GPRC6A: variants seen among roughly 807,000 people sequenced by gnomAD.
The protein encoded by GPRC6A is G protein-coupled receptor class C group 6 member A, also known as G protein-coupled receptor family C group 6 member A.
A neutral mutation model predicts 47.0 loss-of-function variants in GPRC6A; 54 were observed. The observed-to-expected ratio is 1.15, with a 90% CI of 0.92 to 1.44. GPRC6A has a LOEUF of 1.44. Ranked by LOEUF, GPRC6A falls within the 40% of genes most tolerant of loss-of-function variation. GPRC6A has a pLI of 0.00. For synonymous variants in GPRC6A, 347 were observed against 377.1 expected (o/e 0.92, Z 0.93); for missense variants, 1,112 against 1,105.5 (o/e 1.01, Z -0.08).
At chr6:116,827,704 T>G (rs967292521) in intron 1 of GPRC6A, among the ~76,000 whole-genome samples, 3 of 152,202 alleles carry the variant, frequency 2.0e-5, no homozygotes, top group African/African-American at 7.2e-5. Context: ...TCATTCTTTG[T>G]GTGCCAACAT....
At position 116,800,795 on chromosome 6, in the gene GPRC6A, A is replaced by G; in HGVS notation, c.1337T>C (p.Leu446Ser). ...TGTCACATTTTTTAGCACACCAAGTAACTATAAAAAATAAAAACAGAGATA... is the reference window on the plus strand; with the variant it reads ...TGTCACATTTTTTAGCACACCAAGTGACTATAAAAAATAAAAACAGAGATA... ...QNPNAFQPWE[L>S]LGVLKNVTFT... The change falls in exon 4 of 6, where the codon TTA becomes TCA. Residue 446 changes from leucine to serine, a missense_variant and splice_region_variant. Coordinates refer to ENST00000310357, the MANE Select transcript of GPRC6A (RefSeq NM_148963.4). 1 of 1,587,724 alleles carries G rather than the reference A, an allele frequency of 6.3e-7. No homozygotes were observed. Among genetic ancestry groups the G allele is most frequent in the Non-Finnish European group, 8.6e-7 (1 of 1,159,186 alleles).
chr6:116,792,163 T>C lies in GPRC6A; in HGVS notation c.2760A>G (p.Arg920=), dbSNP rs761523576. 127 of 1,613,276 alleles carry C rather than the reference T, an allele frequency of 7.9e-5. No individual in the cohort carries two copies. Among genetic ancestry groups the C allele is most frequent in the Non-Finnish European group, 1.0e-4 (121 of 1,179,462 alleles). Reference sequence around the variant, plus strand: ...TTATTCATATACTTGACATTCTTTTTCGAGGCAAAGTTTTAGATACACTTG... The same window carrying C: ...TTATTCATATACTTGACATTCTTTTCCGAGGCAAAGTTTTAGATACACTTG... ...NATSVSKTLP[R]KRMSSI Residue 920 remains arginine (R), a synonymous_variant, in exon 6 of 6, where the codon CGA becomes CGG. Transcript: ENST00000310357.
rs777353690 is a variant in GPRC6A, at chr6:116,806,640, A to C, written c.1065T>G (p.His355Gln). 4 of 1,613,588 alleles carry C rather than the reference A, an allele frequency of 2.5e-6. No homozygotes were observed. In the South Asian group the frequency reaches 4.4e-5, roughly 18 times the overall value. Residue 355 changes from histidine (H) to glutamine (Q), a missense_variant, in exon 3 of 6, where the codon CAT becomes CAG. Physicochemically the swap from His to Gln is conservative, Grantham distance 24 (BLOSUM62 0). Transcript: ENST00000310357. ...LLPSDSHKLL[H>Q]EYAMHLSACA... ...AGGCAGATAAATGCATGGCATATTC[A>C]TGTAAGAGTTTGTGACTGTCACTGG... is the stretch of plus-strand genomic sequence containing the variant.
Position 116,828,831 on chromosome 6 carries a change from C to T in GPRC6A, c.183G>A (p.Gln61=), listed in dbSNP as rs1200447437. ...SEDSPRRPQI[Q]ECVGFEISVF... ...TGAGACTTACTCACCCAACACACTCCTGGATTTGTGGTCGTCTGGGAGAGT... is the reference window on the plus strand; with the variant it reads ...TGAGACTTACTCACCCAACACACTCTTGGATTTGTGGTCGTCTGGGAGAGT... Residue 61 remains glutamine, a synonymous_variant, in exon 1 of 6, where the codon CAG becomes CAA. Coordinates refer to ENST00000310357, the MANE Select transcript of GPRC6A (RefSeq NM_148963.4). 1 of 1,611,982 alleles carries T rather than the reference C, an allele frequency of 6.2e-7. No individual in the cohort carries two copies. Among genetic ancestry groups the T allele is most frequent in the Non-Finnish European group, 8.5e-7 (1 of 1,178,872 alleles).
intron 4 of GPRC6A, among the ~76,000 whole-genome samples, chr6:116,799,475 CAAAT>C (rs1772593401): frequency 6.6e-6 from 1 of 152,066 alleles, no homozygotes; most frequent in African/African-American, 2.4e-5. Context: ...TGGAAGCAAA[CAAAT>C]AAAATATTTC....
chr6:116,829,159 T>C (rs540613298), upstream of GPRC6A: 4 of 813,342 alleles, frequency 4.9e-6, no homozygotes, highest in South Asian at 1.8e-4. Context: ...TTCAGATACT[T>C]GATGATAGTC....
intron 4 of GPRC6A, 140 bp downstream of exon 4, chr6:116,800,444 G>T: frequency 2.2e-6 from 1 of 457,952 alleles, no homozygotes; most frequent in Non-Finnish European, 4.3e-6. Context: ...CTAAATAGGA[G>T]CTACACTGAT....
chr6:116,805,602 T>A lies in GPRC6A; in HGVS notation c.1335+768A>T, dbSNP rs1772810734. Among the ~76,000 whole-genome samples, 5 of 144,104 alleles carry A rather than the reference T, an allele frequency of 3.5e-5. 1 individual carries two copies. In the South Asian group the frequency reaches 1.1e-3, roughly 32 times the overall value. 94.5% of individuals were successfully genotyped at this position (144,104 alleles called of 152,430 possible). On this transcript the variant is annotated intron_variant, in intron 3 of 5. Coordinates refer to ENST00000310357, the MANE Select transcript of GPRC6A (RefSeq NM_148963.4). ...AGCAATTTACTTTTCAATGCCTTGT[T>A]CAAGGGCATTTGAGAAAGCACAATG...
chr6:116,800,644 T>G lies in GPRC6A; in HGVS notation c.1488A>C (p.Leu496=). ...CTGGGATGATGAAGACATCATTCTG[T>G]AGGTCATATTCTGCCATCTTAGTGA... ...MTVTKMAEYD[L]QNDVFIIPDQ... is the part of the protein sequence containing the mutation. The change falls in exon 4 of 6, where the codon CTA becomes CTC. Residue 496 remains leucine (L), a synonymous_variant. Transcript: ENST00000310357. 1 of 1,613,590 alleles carries G rather than the reference T, an allele frequency of 6.2e-7. No homozygotes were observed. The highest frequency in any genetic ancestry group is 1.7e-5 in the Admixed American group (1 of 59,988).
chr6:116,812,986 C>G (rs991106088), intron 1 of GPRC6A, among the ~76,000 whole-genome samples: 2 of 152,152 alleles, frequency 1.3e-5, no homozygotes, highest in Non-Finnish European at 2.9e-5. Context: ...AGAGACAAAT[C>G]ATGAGTGAAC....
intron 4 of GPRC6A, among the ~76,000 whole-genome samples, chr6:116,798,711 C>T (rs1562479065): frequency 2.0e-5 from 3 of 151,712 alleles, no homozygotes; most frequent in Non-Finnish European, 2.9e-5. Flanking sequence ...GGTTAAACCT[C>T]GTCTCTACTA....
chr6:116,824,783 C>T (rs940863519), intron 1 of GPRC6A, among the ~76,000 whole-genome samples: 1 of 151,738 alleles, frequency 6.6e-6, no homozygotes, highest in African/African-American at 2.4e-5. Flanking sequence ...GATAAGGACA[C>T]AATGAAAAAA....
Position 116,793,198 on chromosome 6 carries a change from C to T in GPRC6A, c.1725G>A (p.Arg575=), listed in dbSNP as rs138116473. The change falls in exon 6 of 6, where the codon AGG becomes AGA. Residue 575 remains arginine (R), a synonymous_variant. Transcript: ENST00000310357. The part of the protein sequence containing the change: ...CNNKTHWAPV[R]STMCFEKEVE... ...CTTCCTTTTCAAAGCACATAGTGCT[C>T]CTAACAGGGGCCCAGTGAGTTTTGT... The T allele has an allele frequency of 6.3e-5, 102 of 1,609,768 alleles. 1 individual carries two copies. In the African/African-American group the frequency reaches 1.2e-3, roughly 18 times the overall value.
chr6:116,816,058 AGG>A (rs1476743309), intron 1 of GPRC6A, among the ~76,000 whole-genome samples: 1 of 152,202 alleles, frequency 6.6e-6, no homozygotes, highest in African/African-American at 2.4e-5. Flanking sequence ...AGAAAGAGAG[AGG>A]GAAGATGTAA....
chr6:116,804,101 C>T (rs1337202038), intron 3 of GPRC6A, among the ~76,000 whole-genome samples: 1 of 152,076 alleles, frequency 6.6e-6, no homozygotes. Flanking sequence ...TTTTCTCATA[C>T]ATCACTTACT....
intron 1 of GPRC6A, among the ~76,000 whole-genome samples, chr6:116,816,686 T>C (rs142593489): frequency 2.1e-3 from 313 of 152,322 alleles, no homozygotes; most frequent in Admixed American, 4.9e-3. Context: ...GCACGCACCG[T>C]GCGCGAACCG....
intron 1 of GPRC6A, among the ~76,000 whole-genome samples, chr6:116,818,671 A>G (rs974738778): frequency 4.0e-5 from 6 of 150,828 alleles, no homozygotes; most frequent in African/African-American, 1.5e-4. Context: ...AGATTTTGTC[A>G]CCACCAGGCC....
Position 116,819,920 on chromosome 6 carries a change from G to T in GPRC6A, c.194+8900C>A, listed in dbSNP as rs568424360. On this transcript the variant is annotated intron_variant, in intron 1 of 5. Transcript: ENST00000310357. ...CTTCAAAAAATTAATGAATCCAGGA[G>T]CTGGTTTTTTGAAAGGATCAACAAA... Among the ~76,000 whole-genome samples the T allele has an allele frequency of 1.8e-4, 27 of 149,720 alleles. No individual in the cohort carries two copies. In the South Asian group the frequency reaches 5.5e-3, roughly 31 times the overall value.
chr6:116,811,530 A>T (rs1773025110), intron 1 of GPRC6A, among the ~76,000 whole-genome samples: 1 of 152,260 alleles, frequency 6.6e-6, no homozygotes, highest in South Asian at 2.1e-4. Context: ...CAATTAATGA[A>T]ATTCCAGAAA....
Sources: gnomAD v4.1 joint callset for allele counts (sites outside exome capture counted in the v4.1 genomes callset) on GRCh38, gnomAD v4.1.1 for gene constraint, MANE v1.5 for transcripts, NCBI Gene and HGNC (gene_info 2026-07-23, HGNC 2026-07-21) for gene names.